The following MAD2L1BP variants were observed in gnomAD, a reference collection of about 807,000 sequenced individuals.
MAD2L1BP encodes MAD2L1-binding protein.
In MAD2L1BP, 22 loss-of-function variants were observed where a neutral mutation model predicts 28.4. The observed-to-expected ratio is 0.77, with a 90% CI of 0.55 to 1.10. The LOEUF (loss-of-function observed/expected upper bound fraction) is 1.10, where lower values mean the gene tolerates loss of function less well. Ranked by LOEUF, MAD2L1BP falls within the 50% of genes least tolerant of loss-of-function variation. The pLI is 0.00. For synonymous variants in MAD2L1BP, 146 were observed against 133.7 expected (o/e 1.09, Z -0.63); for missense variants, 325 against 350.5 (o/e 0.93, Z 0.58).
intron 2 of MAD2L1BP, among the ~76,000 whole-genome samples, chr6:43,639,418 C>T (rs780287324): frequency 1.2e-4 from 19 of 152,188 alleles, no homozygotes; most frequent in Non-Finnish European, 2.2e-4. Context: ...GGATTACAGG[C>T]GTAAGCCACT....
At position 43,629,738 on chromosome 6, in the gene MAD2L1BP, G is replaced by A. The variant is rs1003040701; in HGVS notation, c.-12G>A. The A allele has an allele frequency of 1.9e-6, 3 of 1,553,024 alleles. No individual in the cohort carries two copies. In the African/African-American group the frequency reaches 4.1e-5, roughly 21 times the overall value. Reference sequence around the variant, plus strand: ...GCCTGCTGGCTCCGCCTCTGCCTCAGTTTCTTCCCCTATGGCCCGCGTGCC... The same window carrying A: ...GCCTGCTGGCTCCGCCTCTGCCTCAATTTCTTCCCCTATGGCCCGCGTGCC... On this transcript the variant is annotated 5_prime_UTR_variant, in exon 1 of 4. Transcript: ENST00000451025.
chr6:43,635,200 G>A (rs145012159), upstream of MAD2L1BP, among the ~76,000 whole-genome samples: 711 of 152,236 alleles, frequency 4.7e-3, 5 homozygotes, highest in African/African-American at 0.016. Flanking sequence ...TGGCTTATAC[G>A]GTCCTGCCAT....
chr6:43,635,052 C>T (rs1285271081), upstream of MAD2L1BP, among the ~76,000 whole-genome samples: 1 of 152,116 alleles, frequency 6.6e-6, no homozygotes, highest in East Asian at 1.9e-4. Context: ...CTCTCTTATC[C>T]TCTCTGTAAT....
rs1314342108 is a variant in MAD2L1BP at position 43,629,763 on chromosome 6, C to T, written c.14C>T (p.Pro5Leu). 4 of 1,559,722 alleles carry T rather than the reference C, an allele frequency of 2.6e-6. No homozygotes were observed. The East Asian group carries it at 9.5e-5, about 37-fold the overall frequency. ...GTTTCTTCCCCTATGGCCCGCGTGC[C>T]GCTGGGGTGAGTCAGGGCGAACGCC... Residue 5 changes from proline (P) to leucine (L), a missense_variant, in exon 1 of 4, where the codon CCG (proline) becomes CTG (leucine). Pro to Leu is a moderately conservative substitution (Grantham distance 98, BLOSUM62 -3). Coordinates refer to the MAD2L1BP transcript ENST00000451025.
At position 43,640,558 on chromosome 6, in the gene MAD2L1BP, C is replaced by G; in HGVS notation, c.*25C>G. On this transcript the variant is annotated 3_prime_UTR_variant, in exon 3 of 3. Coordinates refer to ENST00000372171, the MANE Select transcript of MAD2L1BP (RefSeq NM_014628.3). ...AATGAGTGCTTCTTAATCCTAAAAA[C>G]ACAATGGCTGAATTATCTTTCTCCA... 6.5e-7 allele frequency: 1 copy of G among 1,533,136 alleles called. No individual in the cohort carries two copies. The highest frequency in any genetic ancestry group is 8.8e-7 in the Non-Finnish European group (1 of 1,139,384). The allele number at this position is 1,533,136 out of a possible 1,614,324, so 95.0% of individuals were successfully genotyped here.
chr6:43,637,389 CTGT>C (rs1204155960), intron 2 of MAD2L1BP, among the ~76,000 whole-genome samples: 3 of 151,032 alleles, frequency 2.0e-5, no homozygotes, highest in Admixed American at 1.3e-4. Flanking sequence ...TAATAGCATC[CTGT>C]TGTTTAATTT....
rs985979450 is a variant in MAD2L1BP, at chr6:43,629,767, G to A, written c.18G>A (p.Leu6=). The change falls in exon 1 of 4, where the codon CTG becomes CTA. Residue 6 remains leucine, a splice_region_variant and synonymous_variant. Transcript: ENST00000451025. ...CTTCCCCTATGGCCCGCGTGCCGCTGGGGTGAGTCAGGGCGAACGCCAGGG... is the reference window on the plus strand; with the variant it reads ...CTTCCCCTATGGCCCGCGTGCCGCTAGGGTGAGTCAGGGCGAACGCCAGGG... 5 of 1,561,612 alleles carry A rather than the reference G, an allele frequency of 3.2e-6. No homozygotes were observed. In the African/African-American group the frequency reaches 6.8e-5, roughly 21 times the overall value.
chr6:43,630,709 C>T (rs911422436), intron 1 of MAD2L1BP, among the ~76,000 whole-genome samples: 4 of 150,778 alleles, frequency 2.7e-5, no homozygotes, highest in Non-Finnish European at 5.9e-5. Flanking sequence ...CGCCATTGCA[C>T]TCCAGCCTGG....
chr6:43,630,295 AG>A lies in MAD2L1BP; in HGVS notation c.20+529del, dbSNP rs1322216289. On this transcript the variant is annotated intron_variant, in intron 1 of 3. Transcript: ENST00000451025. ...GCCAGTGCACAGAACACAGAAAGGC[AG>A]GGTGGAAAAGCAGTTATGTTGCTGA... 2.0e-5 allele frequency among the ~76,000 whole-genome samples: 3 copies of A among 152,228 alleles called. No homozygotes were observed. In the East Asian group the frequency reaches 5.8e-4, roughly 29 times the overall value.
At chr6:43,630,458 A>G (rs190501343) in intron 1 of MAD2L1BP, among the ~76,000 whole-genome samples, 34 of 152,128 alleles carry the variant, frequency 2.2e-4, no homozygotes, top group Admixed American at 1.6e-3. Context: ...TAAACAACTC[A>G]GCCGGGTGCG....
rs781603580 is a variant in MAD2L1BP at position 43,640,174 on chromosome 6, G to C, written c.466G>C (p.Gly156Arg). 1.2e-6 allele frequency: 2 copies of C among 1,613,420 alleles called. No homozygotes were observed. Among genetic ancestry groups the C allele is most frequent in the East Asian group, 4.5e-5 (2 of 44,854 alleles). The change falls in exon 3 of 3, where the codon GGC becomes CGC. Residue 156 changes from glycine to arginine, a missense_variant. By Grantham distance (125) the Gly-to-Arg change is moderately radical. Transcript: ENST00000372171. ...LVPRVLILLG[G>R]NALSPKEFYE... ...ACCGCGAGTGCTGATTCTCCTTGGGGGCAATGCCCTAAGCCCCAAGGAGTT... is the reference window on the plus strand; with the variant it reads ...ACCGCGAGTGCTGATTCTCCTTGGGCGCAATGCCCTAAGCCCCAAGGAGTT...
At position 43,636,635 on chromosome 6, in the gene MAD2L1BP, C is replaced by G; in HGVS notation, c.301C>G (p.Pro101Ala). ...YEQLKHFYRK[P>A]SPQAEEMLKK... is the part of the protein sequence containing the mutation. ...ACAGCTTAAGCACTTTTACCGAAAACCTTCTCCCCAGGTAGGCACAGGCTT... is the reference window on the plus strand; with the variant it reads ...ACAGCTTAAGCACTTTTACCGAAAAGCTTCTCCCCAGGTAGGCACAGGCTT... Residue 101 changes from proline to alanine, a missense_variant, in exon 2 of 3, where the codon CCT becomes GCT. Coordinates refer to ENST00000372171, the MANE Select transcript of MAD2L1BP (RefSeq NM_014628.3). 1 of 1,612,544 alleles carries G rather than the reference C, an allele frequency of 6.2e-7. No individual in the cohort carries two copies. The highest frequency in any genetic ancestry group is 8.5e-7 in the Non-Finnish European group (1 of 1,178,612).
rs139330843 is a variant in MAD2L1BP at position 43,640,417 on chromosome 6, C to T, written c.709C>T (p.Arg237Trp). 140 of 1,613,846 alleles carry T rather than the reference C, an allele frequency of 8.7e-5. No individual in the cohort carries two copies. The highest frequency in any genetic ancestry group is 5.2e-4 in the Admixed American group (31 of 59,976). ...CAAGCTCAACTATCGAGTGCCCAGC[C>T]GGGGCCATAAACTGACTGTGACCCT... ...RPKLNYRVPS[R>W]GHKLTVTLSC... Residue 237 changes from arginine to tryptophan, a missense_variant, in exon 3 of 3, where the codon CGG becomes TGG. Transcript: ENST00000372171.
chr6:43,633,062 C>G (rs1770015705), upstream of MAD2L1BP: 1 of 343,632 alleles, frequency 2.9e-6, no homozygotes, highest in Non-Finnish European at 5.6e-6. Context: ...CTTCTGGACT[C>G]AAGCAATCCC....
upstream of MAD2L1BP, among the ~76,000 whole-genome samples, chr6:43,635,266 C>T (rs776852836): frequency 5.3e-5 from 8 of 152,162 alleles, no homozygotes; most frequent in Non-Finnish European, 7.3e-5. Context: ...GAACTCTTTT[C>T]ATTCCTTGTA....
At chr6:43,639,998 C>G in intron 2 of MAD2L1BP, 23 bp from the exon 3 acceptor site, 1 of 1,511,638 alleles carries the variant, frequency 6.6e-7, no homozygotes, top group Non-Finnish European at 8.9e-7. Flanking sequence ...GTTCTTCTCT[C>G]CCACCATTCT....
Position 43,640,082 on chromosome 6 carries a change from A to C in MAD2L1BP, c.374A>C (p.Gln125Pro), listed in dbSNP as rs1770480342. 6.3e-7 allele frequency: 1 copy of C among 1,587,538 alleles called. No individual in the cohort carries two copies. Among genetic ancestry groups the C allele is most frequent in the Admixed American group, 1.7e-5 (1 of 58,078 alleles). Residue 125 changes from glutamine (Q) to proline (P), a missense_variant, in exon 3 of 3, where the codon CAA becomes CCA. By Grantham distance (76) the Gln-to-Pro change is moderately conservative. Coordinates refer to ENST00000372171, the MANE Select transcript of MAD2L1BP (RefSeq NM_014628.3). ...ATTEVSSRKC[Q>P]QALAELESVL... ...ACTGAGGTGAGCAGCAGGAAATGCC[A>C]ACAAGCCCTGGCAGAACTGGAGAGT... is the stretch of plus-strand genomic sequence containing the variant.
Position 43,640,878 on chromosome 6 carries a change from A to G in MAD2L1BP, c.*345A>G, listed in dbSNP as rs566049127. 6.2e-5 allele frequency: 15 copies of G among 241,848 alleles called. No homozygotes were observed. Among genetic ancestry groups the G allele is most frequent in the Non-Finnish European group, 1.1e-4 (14 of 125,612 alleles). 15.0% of individuals were successfully genotyped at this position (241,848 alleles called of 1,614,324 possible). A position where few individuals can be genotyped will look rare whatever the true frequency, so the allele number is the denominator to read the frequency against. On this transcript the variant is annotated 3_prime_UTR_variant, in exon 3 of 3. Coordinates refer to ENST00000372171, the MANE Select transcript of MAD2L1BP (RefSeq NM_014628.3). ...TTTGCTGTGTCCTTTCAGAATTTTT[A>G]CCAGGAACATAATGTGGATGTGACT...
At chr6:43,634,996 C>T (rs1211839144), upstream of MAD2L1BP, among the ~76,000 whole-genome samples, 2 of 152,192 alleles carry the variant, frequency 1.3e-5, no homozygotes, top group Non-Finnish European at 2.9e-5. Context: ...CTGCTTTCAT[C>T]AAGTACTCGG....
Sources: gnomAD v4.1 joint callset for allele counts (sites outside exome capture counted in the v4.1 genomes callset) on GRCh38, gnomAD v4.1.1 for gene constraint, MANE v1.5 for transcripts, NCBI Gene and HGNC (gene_info 2026-07-23, HGNC 2026-07-21) for gene names.